The following EIF2S3 variants were observed in gnomAD, a reference collection of about 807,000 sequenced individuals.
The protein encoded by EIF2S3 is eukaryotic translation initiation factor 2 subunit gamma.
Under a neutral mutation model 31.7 loss-of-function variants are expected in EIF2S3, and 2 were observed. The observed-to-expected ratio is 0.06, with a 90% CI of 0.03 to 0.20. The LOEUF (loss-of-function observed/expected upper bound fraction) is 0.20, where lower values mean the gene tolerates loss of function less well. Ranked by LOEUF, EIF2S3 falls within the 10% of genes least tolerant of loss-of-function variation. EIF2S3 has a pLI of 1.00. For missense variants in EIF2S3, 96 were observed against 359.3 expected (o/e 0.27, Z 5.92); for synonymous variants, 120 against 126.7 (o/e 0.95, Z 0.36).
At chrX:24,070,439 G>GTTTTTTTTTTTTTTGTT (rs1930649551) in intron 9 of EIF2S3, among the ~76,000 whole-genome samples, 1 of 50,973 alleles carries the variant, frequency 2.0e-5, no homozygotes, top group Non-Finnish European at 3.2e-5. Context: ...ATCATATGTA[G>GTTTTTTTTTTTTTTGTT]TTTTTTTTTT....
intron 2 of EIF2S3, among the ~76,000 whole-genome samples, chrX:24,057,171 C>T (rs1486141105): frequency 1.8e-5 from 2 of 112,177 alleles, no homozygotes; most frequent in Non-Finnish European, 3.8e-5. Context: ...GCTGGGACTA[C>T]AGGCATGCGC....
In EIF2S3 at chrX:24,073,213, A is replaced by G. The variant is rs1268832691; in HGVS notation, c.1305A>G (p.Thr435=). The part of the protein sequence containing the change: ...GKIVLTNPVC[T]EVGEKIALSR... ...TTGTTTTGACCAATCCAGTGTGCAC[A>G]GAGGTAGGAGAAAAAATTGCCCTTA... The change falls in exon 11 of 12, where the codon ACA becomes ACG. Residue 435 remains threonine (T), a synonymous_variant. Coordinates refer to ENST00000253039, the MANE Select transcript of EIF2S3 (RefSeq NM_001415.4). 1.7e-6 allele frequency: 2 copies of G among 1,211,638 alleles called. No individual in the cohort carries two copies. Among genetic ancestry groups the G allele is most frequent in the Non-Finnish European group, 1.1e-6 (1 of 895,533 alleles).
chrX:24,057,760 C>G lies in EIF2S3; in HGVS notation c.383+6C>G, dbSNP rs999090964. The G allele has an allele frequency of 8.3e-7, 1 of 1,199,736 alleles. No homozygotes were observed. The highest frequency in any genetic ancestry group is 1.1e-6 in the Non-Finnish European group (1 of 891,482). On this transcript the variant is annotated splice_donor_region_variant and intron_variant, in intron 4 of 11. Coordinates refer to ENST00000253039, the MANE Select transcript of EIF2S3 (RefSeq NM_001415.4). ...GGGAACTTCAAATTAGTCAGGTGAC[C>G]TCTCTTTTGCTACAAACACTACACT...
Position 24,076,758 on chromosome X carries a change from A to G in EIF2S3, c.1392A>G (p.Thr464=). The G allele has an allele frequency of 8.3e-7, 1 of 1,207,036 alleles. No homozygotes were observed. Among genetic ancestry groups the G allele is most frequent in the South Asian group, 1.8e-5 (1 of 55,741 alleles). The change falls in exon 12 of 12, where the codon ACA becomes ACG. Residue 464 remains threonine, a synonymous_variant. Transcript: ENST00000253039. ...GGGGTCAGATAAGAAGAGGAGTGAC[A>G]ATCAAGCCAACAGTAGATGATGACT... ...IGWGQIRRGV[T]IKPTVDDD is the part of the protein sequence containing the mutation.
intron 7 of EIF2S3, 81 bp downstream of exon 7, chrX:24,064,416 T>C: frequency 9.6e-7 from 1 of 1,046,963 alleles, no homozygotes; most frequent in Non-Finnish European, 1.3e-6. Context: ...TTTATTAATA[T>C]TTCCTCTTTC....
intron 7 of EIF2S3, among the ~76,000 whole-genome samples, chrX:24,065,500 T>C (rs1341295193): frequency 1.8e-5 from 2 of 110,803 alleles, no homozygotes; most frequent in African/African-American, 6.6e-5. Context: ...TGTGTACCTG[T>C]AGTCCGAGCT....
chrX:24,066,593 A>G (rs1200508238), intron 8 of EIF2S3, among the ~76,000 whole-genome samples: 2 of 107,325 alleles, frequency 1.9e-5, no homozygotes, highest in African/African-American at 6.8e-5. Context: ...GCTCACTGCA[A>G]CCTTCACCTC....
chrX:24,057,817 T>C (rs1930427435), intron 4 of EIF2S3, 63 bp downstream of exon 4: 6 of 1,119,828 alleles, frequency 5.4e-6, no homozygotes, highest in Non-Finnish European at 7.1e-6. Context: ...TTTGTGCTTT[T>C]TGAAATATCG....
Position 24,076,924 on chromosome X carries a change from C to CTA in EIF2S3, c.*140_*141insAT. The CTA allele has an allele frequency of 8.5e-6, 1 of 117,433 alleles. No homozygotes were observed. 9.7% of individuals were successfully genotyped at this position (117,433 alleles called of 1,213,427 possible). A position where few individuals can be genotyped will look rare whatever the true frequency, so the allele number is the denominator to read the frequency against. On this transcript the variant is annotated 3_prime_UTR_variant, in exon 12 of 12. Coordinates refer to ENST00000253039, the MANE Select transcript of EIF2S3 (RefSeq NM_001415.4). ...CTTAGTAGGTAACGGTAAGGTTATT[C>CTA]TCTTTTTTTTTTTTTTTTTTTTTGG...
chrX:24,056,087 G>A (rs1056465772), intron 2 of EIF2S3, among the ~76,000 whole-genome samples: 3 of 111,921 alleles, frequency 2.7e-5, no homozygotes, highest in Non-Finnish European at 5.6e-5. Context: ...GAACTTTAGA[G>A]GAGAAGTTAC....
At chrX:24,069,649 CT>C (rs58387920) in intron 9 of EIF2S3, among the ~76,000 whole-genome samples, 1 of 93,780 alleles carries the variant, frequency 1.1e-5, no homozygotes, top group Admixed American at 1.2e-4. Context: ...AATCTGGAAA[CT>C]TTTTAAAAAT....
chrX:24,055,106 T>G, intron 1 of EIF2S3, 69 bp downstream of exon 1: 1 of 1,114,013 alleles, frequency 9.0e-7, no homozygotes, highest in Non-Finnish European at 1.2e-6. Flanking sequence ...CCCGGTGGTA[T>G]TGGGACTAGT....
intron 10 of EIF2S3, among the ~76,000 whole-genome samples, chrX:24,072,828 T>C (rs1200762919): frequency 9.0e-6 from 1 of 111,608 alleles, no homozygotes; most frequent in Non-Finnish European, 1.9e-5. Context: ...TTGTACCTCA[T>C]TTGTACTAGG....
At chrX:24,074,862 C>CTTTTTTTTTTTTTTTTTTTTT (rs758813480) in intron 11 of EIF2S3, among the ~76,000 whole-genome samples, 7 of 47,465 alleles carry the variant, frequency 1.5e-4, no homozygotes, top group Non-Finnish European at 2.4e-4. Flanking sequence ...TTTTCTTCTT[C>CTTTTTTTTTTTTTTTTTTTTT]TTTTTTTTTT....
In EIF2S3 at chrX:24,075,387, C is replaced by T. The variant is rs367584310; in HGVS notation, c.1356-1335C>T. ...CACATTTTTGGCTCCTGACTTTTTG[C>T]TCTTTCCCAGGTTATTGAGTTTGCC... On this transcript the variant is annotated intron_variant, in intron 11 of 11. Transcript: ENST00000253039. Among the ~76,000 whole-genome samples, 11 of 111,000 alleles carry T rather than the reference C, an allele frequency of 9.9e-5. No individual in the cohort carries two copies. In the East Asian group the frequency reaches 2.3e-3, roughly 23 times the overall value.
chrX:24,069,686 C>CTTTTTTTTTTTT (rs754589833), intron 9 of EIF2S3, among the ~76,000 whole-genome samples: 3 of 60,980 alleles, frequency 4.9e-5, no homozygotes, highest in African/African-American at 6.9e-5. Context: ...TTTTTAATTT[C>CTTTTTTTTTTTT]TTTTTTTTTT....
In EIF2S3 at chrX:24,078,797, C is replaced by T. The variant is rs1216210176; in HGVS notation, c.*2012C>T. Among the ~76,000 whole-genome samples, 4 of 111,930 alleles carry T rather than the reference C, an allele frequency of 3.6e-5. No individual in the cohort carries two copies. The highest frequency in any genetic ancestry group is 1.3e-4 in the African/African-American group (4 of 30,886). The stretch of plus-strand genomic sequence containing the variant: ...CATGAGGAACACAAATAAAACAATT[C>T]TAAATCAAACTAATTTTATATCTAA... On this transcript the variant is annotated 3_prime_UTR_variant, in exon 12 of 12. Transcript: ENST00000253039.
At chrX:24,076,211 C>T (rs765488540) in intron 11 of EIF2S3, among the ~76,000 whole-genome samples, 2 of 111,810 alleles carry the variant, frequency 1.8e-5, no homozygotes, top group African/African-American at 6.5e-5. Context: ...CACACGACTT[C>T]CAGTGTATTT....
intron 7 of EIF2S3, among the ~76,000 whole-genome samples, chrX:24,065,128 G>A (rs779053144): frequency 9.3e-4 from 104 of 111,635 alleles, no homozygotes; most frequent in African/African-American, 3.3e-3. Context: ...TCTCCGAAGT[G>A]CAGGTCATGT....
Sources: allele counts gnomAD v4.1 joint callset (sites outside exome capture counted in the v4.1 genomes callset), GRCh38; gene constraint gnomAD v4.1.1; transcripts MANE v1.5; gene names NCBI Gene and HGNC (gene_info 2026-07-23, HGNC 2026-07-21).